Variants in KCNA6 observed in about 807,000 individuals in gnomAD.
KCNA6 encodes potassium voltage-gated channel subfamily A member 6, also known as human brain potassium channel-2.
In KCNA6, 17 loss-of-function variants were observed where a neutral mutation model predicts 29.5. The ratio of observed to expected loss-of-function variants is 0.58; its 90% CI spans 0.39 to 0.86. KCNA6 has a LOEUF of 0.86. Ranked by LOEUF, KCNA6 falls within the 40% of genes least tolerant of loss-of-function variation. The probability of loss-of-function intolerance (pLI) is 0.00; values close to 1 mark genes in which losing one functional copy is unlikely to be tolerated. For missense variants in KCNA6, 450 were observed against 703.4 expected (o/e 0.64, Z 4.07); for synonymous variants, 296 against 304.7 (o/e 0.97, Z 0.30).
chr12:4,820,370 A>C, the KCNA6 span, among the ~76,000 whole-genome samples: 5 of 146,522 alleles, frequency 3.4e-5, no homozygotes, highest in African/African-American at 1.3e-4. Flanking sequence ...AGAGGGTCAC[A>C]GATGGAGGGG....
At chr12:4,841,576 G>C in the KCNA6 span, among the ~76,000 whole-genome samples, 2 of 152,234 alleles carry the variant, frequency 1.3e-5, no homozygotes, top group African/African-American at 2.4e-5. Flanking sequence ...CATGTGTGAA[G>C]TGTTGGAAAT....
the KCNA6 span, among the ~76,000 whole-genome samples, chr12:4,834,716 A>G: frequency 1.3e-5 from 2 of 152,148 alleles, no homozygotes; most frequent in Admixed American, 1.3e-4. Context: ...CTCTCCAGTA[A>G]AAGACTGAGT....
chr12:4,839,715 G>A, the KCNA6 span, among the ~76,000 whole-genome samples: 2 of 152,160 alleles, frequency 1.3e-5, no homozygotes, highest in Non-Finnish European at 2.9e-5. Context: ...ATGTATACAT[G>A]CATAGAAAAA....
chr12:4,841,837 A>G, the KCNA6 span, among the ~76,000 whole-genome samples: 1 of 152,182 alleles, frequency 6.6e-6, no homozygotes, highest in Non-Finnish European at 1.5e-5. Flanking sequence ...TAGAGATGAG[A>G]CAGGTGAATA....
rs752833096 is a variant in KCNA6 at position 4,810,087 on chromosome 12, C to T, written c.46C>T (p.Arg16Cys). Residue 16 changes from arginine to cysteine, a missense_variant, in exon 1 of 1, where the codon CGT becomes TGT. Coordinates refer to ENST00000280684, the Ensembl canonical transcript of KCNA6. This position sits in a 1 kb window ranked among gnomAD's most constrained non-coding sequence, Gnocchi z 7.5. ...TACGCTGGCGGCGCCGGGGGAGGTC[C>T]GTGGGCCGGAGGGAGAGCAACAGGA... 9.0e-6 allele frequency: 14 copies of T among 1,558,972 alleles called. No individual in the cohort carries two copies. In the East Asian group the frequency reaches 1.6e-4, roughly 18 times the overall value.
At chr12:4,826,084 C>T in the KCNA6 span, among the ~76,000 whole-genome samples, 1 of 152,218 alleles carries the variant, frequency 6.6e-6, no homozygotes, top group Non-Finnish European at 1.5e-5. Flanking sequence ...TCTTTTCCAT[C>T]TTCCTAAACA....
the KCNA6 span, among the ~76,000 whole-genome samples, chr12:4,831,412 C>T: frequency 3.3e-5 from 5 of 152,156 alleles, no homozygotes; most frequent in Non-Finnish European, 5.9e-5. Context: ...GTGGATTGGA[C>T]CAGGGTTGAG....
chr12:4,835,751 CTGAT>C, the KCNA6 span, among the ~76,000 whole-genome samples: 4 of 152,124 alleles, frequency 2.6e-5, no homozygotes, highest in African/African-American at 9.7e-5. Flanking sequence ...ACTCAGCTGT[CTGAT>C]AGATAAGGCA....
At chr12:4,833,931 ATTT>A in the KCNA6 span, among the ~76,000 whole-genome samples, 55 of 141,938 alleles carry the variant, frequency 3.9e-4, no homozygotes, top group African/African-American at 7.1e-4. Context: ...TTTAAATTAA[ATTT>A]TTTTTTTTTT....
At chr12:4,835,884 A>G in the KCNA6 span, among the ~76,000 whole-genome samples, 2 of 152,018 alleles carry the variant, frequency 1.3e-5, no homozygotes. Flanking sequence ...CCCTTAAGGC[A>G]GGAAGCCTGT....
chr12:4,812,722 C>T (rs960199532), exon 1 of KCNA6: 3 of 167,060 alleles, frequency 1.8e-5, no homozygotes, highest in Non-Finnish European at 2.9e-5. Context: ...CATTGGATGG[C>T]AGCATGGGTT....
chr12:4,848,701 A>G, the KCNA6 span, among the ~76,000 whole-genome samples: 2 of 151,940 alleles, frequency 1.3e-5, no homozygotes, highest in African/African-American at 4.8e-5. Context: ...CGCCCGGCTA[A>G]TTTTGTATTT....
the KCNA6 span, among the ~76,000 whole-genome samples, chr12:4,838,216 G>A: frequency 6.6e-6 from 1 of 152,188 alleles, no homozygotes; most frequent in African/African-American, 2.4e-5. Context: ...TGTCTCTTTT[G>A]TTCTTGGGAT....
chr12:4,811,831 A>G lies in KCNA6; in HGVS notation c.*200A>G. ...GCAGCATTCAAGGTTAATCCATCTA[A>G]GTGACATTTTTGAAATTCCAGCGGT... On this transcript the variant is annotated 3_prime_UTR_variant, in exon 1 of 1. Coordinates refer to ENST00000280684, the Ensembl canonical transcript of KCNA6. This position sits in a 1 kb window ranked among gnomAD's most constrained non-coding sequence, Gnocchi z 7.1. 1 of 618,050 alleles carries G rather than the reference A, an allele frequency of 1.6e-6. No individual in the cohort carries two copies. The highest frequency in any genetic ancestry group is 2.8e-6 in the Non-Finnish European group (1 of 359,920). The allele number at this position is 618,050 out of a possible 1,614,324, so 38.3% of individuals were successfully genotyped here. A position where few individuals can be genotyped will look rare whatever the true frequency, so the allele number is the denominator to read the frequency against.
chr12:4,845,618 A>C, the KCNA6 span, among the ~76,000 whole-genome samples: 1 of 152,186 alleles, frequency 6.6e-6, no homozygotes, highest in Non-Finnish European at 1.5e-5. Context: ...ACTTGTACTA[A>C]AAGATTTAAA....
At chr12:4,823,022 A>G in the KCNA6 span, among the ~76,000 whole-genome samples, 1 of 152,152 alleles carries the variant, frequency 6.6e-6, no homozygotes. Context: ...CCTTTTTTTA[A>G]GCTTTATATG....
downstream of KCNA6, among the ~76,000 whole-genome samples, chr12:4,816,697 C>T (rs1565405532): frequency 6.6e-6 from 1 of 151,818 alleles, no homozygotes. Context: ...TTTTATTTTC[C>T]CTGGCCCCCT....
At position 4,811,677 on chromosome 12, in the gene KCNA6, C is replaced by A; in HGVS notation, c.*46C>A. 1 of 1,565,292 alleles carries A rather than the reference C, an allele frequency of 6.4e-7. No individual in the cohort carries two copies. ...AGGAGGGGAGCACTGAGCTAACAGT[C>A]TCTTAGGCTTCCTTCTCATTTCCAC... is the stretch of plus-strand genomic sequence containing the variant. On this transcript the variant is annotated 3_prime_UTR_variant, in exon 1 of 1. Transcript: ENST00000280684. The surrounding 1 kb of genome is among the most constrained non-coding windows in gnomAD (Gnocchi z 7.1).
At chr12:4,824,969 A>C in the KCNA6 span, among the ~76,000 whole-genome samples, 1 of 152,222 alleles carries the variant, frequency 6.6e-6, no homozygotes, top group Non-Finnish European at 1.5e-5. Context: ...AAGTCATGGA[A>C]TTAATTGCCT....
Sources: allele counts gnomAD v4.1 joint callset (sites outside exome capture counted in the v4.1 genomes callset), GRCh38; gene constraint gnomAD v4.1.1; non-coding constraint Gnocchi (gnomAD v3.1); transcripts MANE v1.5; gene names NCBI Gene and HGNC (gene_info 2026-07-23, HGNC 2026-07-21).